TSBP1: variants seen among roughly 807,000 people sequenced by gnomAD.
TSBP1 encodes the protein testis-expressed basic protein 1.
In TSBP1, 56 loss-of-function variants were observed where a neutral mutation model predicts 68.8. That is an observed-to-expected ratio of 0.81 (90% CI 0.66 to 1.02). The LOEUF (loss-of-function observed/expected upper bound fraction) is 1.02. Ranked by LOEUF, TSBP1 falls within the 50% of genes least tolerant of loss-of-function variation. TSBP1 has a pLI of 0.00. For missense variants in TSBP1, 502 were observed against 641.2 expected (o/e 0.78, Z 2.34); for synonymous variants, 171 against 208.7 (o/e 0.82, Z 1.56).
rs1257887468 is a variant in TSBP1 at position 32,315,106 on chromosome 6, G to T, written c.580+666C>A. On this transcript the variant is annotated intron_variant, in intron 19 of 22. Transcript: ENST00000612031. The surrounding 1 kb of genome is among the most constrained non-coding windows in gnomAD (Gnocchi z 5.4). The stretch of plus-strand genomic sequence containing the variant: ...GATATTGGGTTTGCTTAAATCATTT[G>T]TAACTGAGATATGAGAACCAGATTT... 1.3e-5 allele frequency among the ~76,000 whole-genome samples: 2 copies of T among 152,326 alleles called. No homozygotes were observed. Among genetic ancestry groups the T allele is most frequent in the Non-Finnish European group, 2.9e-5 (2 of 68,036 alleles).
At chr6:32,331,961 A>T in intron 15 of TSBP1, 73 bp downstream of exon 16, 1 of 1,040,580 alleles carries the variant, frequency 9.6e-7, no homozygotes, top group Non-Finnish European at 1.5e-6. Context: ...AGATACTTAA[A>T]CAGTTGGAGC....
chr6:32,326,268 A>G, intron 16 of TSBP1: 2 of 800,734 alleles, frequency 2.5e-6, no homozygotes, highest in Non-Finnish European at 4.2e-6. Flanking sequence ...AGCCAAGCAC[A>G]GTGGTGGCAG....
At chr6:32,330,029 C>T (rs920122148) in intron 16 of TSBP1, among the ~76,000 whole-genome samples, 3 of 152,004 alleles carry the variant, frequency 2.0e-5, no homozygotes, top group Non-Finnish European at 2.9e-5. Context: ...CTCTCTTTGT[C>T]GTGCGTGTGT....
intron 9 of TSBP1, among the ~76,000 whole-genome samples, chr6:32,344,861 T>G (rs9268270): frequency 0.76 from 109,029 of 143,270 alleles, 40,606 homozygotes; most frequent in South Asian, 0.85. Context: ...GTTTTTTTTT[T>G]GGGGCTGGGG....
In TSBP1 at chr6:32,325,233, G is replaced by C. The variant is rs1323531852; in HGVS notation, c.515-1619C>G. ...TCCTGGCCGTCTTATCTAAGTCAGA[G>C]TCTCCTAAAGAGCCAGAACAACTGA... On this transcript the variant is annotated intron_variant, in intron 16 of 22. Transcript: ENST00000612031. This position sits in a 1 kb window ranked among gnomAD's most constrained non-coding sequence, Gnocchi z 4.4. 6.2e-6 allele frequency: 5 copies of C among 800,438 alleles called. No individual in the cohort carries two copies. In the East Asian group the frequency reaches 9.9e-5, roughly 16 times the overall value. The allele number at this position is 800,438 out of a possible 1,614,324, so 49.6% of individuals were successfully genotyped here.
intron 6 of TSBP1, among the ~76,000 whole-genome samples, chr6:32,359,428 G>C (rs1391263072): frequency 1.3e-5 from 2 of 152,022 alleles, no homozygotes; most frequent in African/African-American, 4.8e-5. Flanking sequence ...GTGTCTTTTG[G>C]CTGCATAAAT....
chr6:32,334,964 G>T (rs9405093), intron 14 of TSBP1, among the ~76,000 whole-genome samples: 51,093 of 152,034 alleles, frequency 0.34, 9,638 homozygotes, highest in Middle Eastern at 0.52. Context: ...AACCCACGAG[G>T]TGGAGCTTGC....
In TSBP1 at chr6:32,369,373, A is replaced by ATTTTTTTTTTTTTTTTTTTT. The variant is rs9281761; in HGVS notation, c.100+523_100+524insAAAAAAAAAAAAAAAAAAAA. Among the ~76,000 whole-genome samples the ATTTTTTTTTTTTTTTTTTTT allele has an allele frequency of 1.0e-3, 133 of 126,948 alleles. 3 individuals are homozygous for ATTTTTTTTTTTTTTTTTTTT. In the East Asian group the frequency reaches 0.011, roughly 10 times the overall value. 83.3% of individuals were successfully genotyped at this position (126,948 alleles called of 152,430 possible). A position where few individuals can be genotyped will look rare whatever the true frequency, so the allele number is the denominator to read the frequency against. ...CTTATTACTTTTGCTAAACTCTGTG[A>ATTTTTTTTTTTTTTTTTTTT]TTTTTTTTTTTTTTTGAGATGGAGT... On this transcript the variant is annotated intron_variant, in intron 2 of 22. Coordinates refer to ENST00000612031, the Ensembl canonical transcript of TSBP1.
At chr6:32,318,090 C>A (rs1169851184) in intron 18 of TSBP1, among the ~76,000 whole-genome samples, 1 of 152,152 alleles carries the variant, frequency 6.6e-6, no homozygotes, top group African/African-American at 2.4e-5. Context: ...ATAAAATGTA[C>A]ATATACACCA....
At chr6:32,360,049 T>C (rs1451948651) in intron 6 of TSBP1, among the ~76,000 whole-genome samples, 1 of 152,130 alleles carries the variant, frequency 6.6e-6, no homozygotes, top group African/African-American at 2.4e-5. Flanking sequence ...CATTTTGTGA[T>C]GAGAATATGT....
Position 32,315,886 on chromosome 6 carries a change from G to A in TSBP1, c.560-94C>T, listed in dbSNP as rs1766899623. The A allele has an allele frequency of 8.1e-6, 6 of 744,476 alleles. No homozygotes were observed. The highest frequency in any genetic ancestry group is 2.0e-5 in the South Asian group (1 of 50,618). The allele number at this position is 744,476 out of a possible 1,614,324, so 46.1% of individuals were successfully genotyped here. ...TATTTTGTTGGAGTCTGTGAGGGGA[G>A]GACTTGTGTGGGCAAAGAAGGAAGC... On this transcript the variant is annotated intron_variant, in intron 18 of 22. Coordinates refer to ENST00000612031, the Ensembl canonical transcript of TSBP1. The surrounding 1 kb of genome is among the most constrained non-coding windows in gnomAD (Gnocchi z 5.4).
intron 9 of TSBP1, among the ~76,000 whole-genome samples, chr6:32,345,183 CCTCTACTTGCTTTTAGG>C (rs70993819): frequency 0.34 from 48,920 of 143,824 alleles, 9,127 homozygotes; most frequent in Middle Eastern, 0.51. Context: ...TTTTCTTTTT[CCTCTACTTGCTTTTAGG>C]AGGTGGAGGA....
intron 17 of TSBP1, 197 bp downstream of exon 18, chr6:32,323,394 A>G (rs1767852765): frequency 2.8e-6 from 2 of 717,726 alleles, no homozygotes; most frequent in East Asian, 2.7e-5. Context: ...CAAAGTAAAT[A>G]TATGTTTGAA....
At position 32,308,584 on chromosome 6, in the gene TSBP1, C is replaced by T. The variant is rs1432015767; in HGVS notation, c.581-5955G>A. Among the ~76,000 whole-genome samples, 71 of 115,474 alleles carry T rather than the reference C, an allele frequency of 6.1e-4. 1 individual carries two copies. The highest frequency in any genetic ancestry group is 2.2e-3 in the African/African-American group (68 of 30,738). The allele number at this position is 115,474 out of a possible 152,430, so 75.8% of individuals were successfully genotyped here. A position where few individuals can be genotyped will look rare whatever the true frequency, so the allele number is the denominator to read the frequency against. On this transcript the variant is annotated intron_variant, in intron 19 of 22. Coordinates refer to ENST00000612031, the Ensembl canonical transcript of TSBP1. ...CTGCACTCCAGCCTGTGCGACAGAG[C>T]GAGACTCCGTCTCAAAAAAAAAAAA...
At position 32,336,011 on chromosome 6, in the gene TSBP1, C is replaced by T. The variant is rs1159112944; in HGVS notation, c.431-79G>A. The T allele has an allele frequency of 4.2e-6, 5 of 1,194,256 alleles. No individual in the cohort carries two copies. The highest frequency in any genetic ancestry group is 6.2e-6 in the Non-Finnish European group (5 of 810,346). 74.0% of individuals were successfully genotyped at this position (1,194,256 alleles called of 1,614,324 possible). A position where few individuals can be genotyped will look rare whatever the true frequency, so the allele number is the denominator to read the frequency against. The stretch of plus-strand genomic sequence containing the variant: ...TGAAGGAAATTTCCATTTCCCAACA[C>T]TCGCTCTAGGGAGTATCATAAATAG... On this transcript the variant is annotated intron_variant, in intron 12 of 22. Coordinates refer to ENST00000612031, the Ensembl canonical transcript of TSBP1. This position sits in a 1 kb window ranked among gnomAD's most constrained non-coding sequence, Gnocchi z 5.2.
rs1769795848 is a variant in TSBP1 at position 32,337,346 on chromosome 6, A to G, written c.410-711T>C. The stretch of plus-strand genomic sequence containing the variant: ...TGTGGAGACGCACATTTGGTCAGGC[A>G]GCGTTCCTTCCCCTTTCCCCACGGG... On this transcript the variant is annotated intron_variant, in intron 11 of 22. Transcript: ENST00000612031. This position sits in a 1 kb window ranked among gnomAD's most constrained non-coding sequence, Gnocchi z 5.5. Among the ~76,000 whole-genome samples, 1 of 152,164 alleles carries G rather than the reference A, an allele frequency of 6.6e-6. No individual in the cohort carries two copies. Among genetic ancestry groups the G allele is most frequent in the Non-Finnish European group, 1.5e-5 (1 of 68,026 alleles).
chr6:32,295,798 A>G (rs1240470151), intron 22 of TSBP1, among the ~76,000 whole-genome samples: 1 of 152,146 alleles, frequency 6.6e-6, no homozygotes, highest in African/African-American at 2.4e-5. Flanking sequence ...TTAGTTTCCA[A>G]CAAATAATTT....
Position 32,332,031 on chromosome 6 carries a change from T to A in TSBP1, c.493+3A>T, listed in dbSNP as rs374482056. On this transcript the variant is annotated splice_donor_region_variant and intron_variant, in intron 15 of 22. Coordinates refer to ENST00000612031, the Ensembl canonical transcript of TSBP1. ...GATAAGTTGATATATACAGGCAGCT[T>A]ACCAATAGGTCCTGGAGTTTGCACT... is the stretch of plus-strand genomic sequence containing the variant. The A allele has an allele frequency of 4.3e-5, 69 of 1,597,126 alleles. No homozygotes were observed. The African/African-American group carries it at 9.0e-4, about 21-fold the overall frequency.
intron 9 of TSBP1, among the ~76,000 whole-genome samples, chr6:32,346,403 A>AT (rs1262418730): frequency 1.6e-5 from 2 of 121,596 alleles, no homozygotes; most frequent in East Asian, 2.4e-4. Flanking sequence ...ATAATTCCTA[A>AT]TCGGACGTTC....
Sources: gnomAD v4.1 joint callset for allele counts (sites outside exome capture counted in the v4.1 genomes callset) on GRCh38, gnomAD v4.1.1 for gene constraint, Gnocchi (gnomAD v3.1) non-coding constraint, MANE v1.5 for transcripts, NCBI Gene and HGNC (gene_info 2026-07-23, HGNC 2026-07-21) for gene names.